Variants in CSMD1 observed in about 807,000 individuals in gnomAD.
The protein encoded by CSMD1 is CUB and Sushi multiple domains 1, also known as CUB and sushi domain-containing protein 1.
In CSMD1, 213 loss-of-function variants were observed where a neutral mutation model predicts 417.5. The ratio of observed to expected loss-of-function variants is 0.51; its 90% CI spans 0.46 to 0.57. The LOEUF (loss-of-function observed/expected upper bound fraction) is 0.57. CSMD1 is among the 20% of genes least tolerant of loss of function. The pLI is 0.00. For missense variants in CSMD1, 6,923 were observed against 4,529.7 expected, an observed-to-expected ratio of 1.53 and a Z score of -15.17; for synonymous variants, 2,862 against 1,736.8, an observed-to-expected ratio of 1.65 and a Z score of -16.11.
intron 4 of CSMD1, among the ~76,000 whole-genome samples, chr8:4,005,200 G>T (rs1220309407): frequency 6.6e-6 from 1 of 152,140 alleles, no homozygotes; most frequent in Non-Finnish European, 1.5e-5. Flanking sequence ...ATACTGCACA[G>T]GTGGTGGGTG....
chr8:3,587,434 G>C lies in CSMD1; in HGVS notation c.1098-1174C>G, dbSNP rs1015506714. 5.3e-5 allele frequency among the ~76,000 whole-genome samples: 8 copies of C among 152,296 alleles called. No homozygotes were observed. The East Asian group carries it at 1.4e-3, about 26-fold the overall frequency. On this transcript the variant is annotated intron_variant, in intron 8 of 69. Transcript: ENST00000635120. The stretch of plus-strand genomic sequence containing the variant: ...TGTTGAGGAAACAGAATTGAAATAA[G>C]GAGATGTGAAGGAAAAGAAGCACAG...
intron 12 of CSMD1, among the ~76,000 whole-genome samples, chr8:3,434,725 C>A (rs7013161): frequency 0.29 from 44,698 of 151,968 alleles, 6,903 homozygotes; most frequent in East Asian, 0.56. Context: ...TGAATAAAAT[C>A]ACTAATTTAA....
chr8:4,933,590 A>G (rs1429226079), intron 1 of CSMD1, among the ~76,000 whole-genome samples: 2 of 152,202 alleles, frequency 1.3e-5, no homozygotes, highest in South Asian at 2.1e-4. Flanking sequence ...TTTTGCAACA[A>G]GCCTCTCCGG....
At chr8:2,967,797 C>A (rs916650826) in intron 57 of CSMD1, among the ~76,000 whole-genome samples, 4 of 152,148 alleles carry the variant, frequency 2.6e-5, no homozygotes, top group Admixed American at 1.3e-4. Context: ...AAACATCCTG[C>A]AAAATTTGCT....
intron 42 of CSMD1, among the ~76,000 whole-genome samples, chr8:3,113,685 G>T (rs568795737): frequency 2.0e-4 from 30 of 152,236 alleles, no homozygotes; most frequent in African/African-American, 6.0e-4. Context: ...TGGGAAGGGG[G>T]TACTTTTGGT....
At chr8:3,820,602 G>C (rs1219231626) in intron 5 of CSMD1, among the ~76,000 whole-genome samples, 2 of 152,140 alleles carry the variant, frequency 1.3e-5, no homozygotes, top group South Asian at 2.1e-4. Flanking sequence ...TTGAGATGGA[G>C]TCTTGCTCTC....
In CSMD1 at chr8:3,372,139, G is replaced by A. The variant is rs555170301; in HGVS notation, c.2783-2769C>T. Among the ~76,000 whole-genome samples, 910 of 152,284 alleles carry A rather than the reference G, an allele frequency of 6.0e-3. 8 individuals carry two copies. Among genetic ancestry groups the A allele is most frequent in the South Asian group, 0.028 (134 of 4,822 alleles). ...AGAAAAAGGGATGGGATAGTGTGAG[G>A]CTTCTGGGTGGCCAGCGGTGCCGTA... On this transcript the variant is annotated intron_variant, in intron 18 of 69. Coordinates refer to ENST00000635120, the MANE Select transcript of CSMD1 (RefSeq NM_033225.6).
intron 3 of CSMD1, among the ~76,000 whole-genome samples, chr8:4,174,153 G>C (rs73180496): frequency 5.3e-5 from 8 of 152,018 alleles, no homozygotes; most frequent in African/African-American, 1.7e-4. Flanking sequence ...CCAAAGGCTC[G>C]TGGCTGCCCC....
chr8:3,689,072 A>T (rs1294909146), intron 7 of CSMD1, among the ~76,000 whole-genome samples: 1 of 152,216 alleles, frequency 6.6e-6, no homozygotes, highest in African/African-American at 2.4e-5. Context: ...TGACTGATAC[A>T]CTTATTCCCA....
chr8:3,622,666 T>C (rs891343338), intron 7 of CSMD1, among the ~76,000 whole-genome samples: 3 of 152,244 alleles, frequency 2.0e-5, no homozygotes, highest in African/African-American at 7.2e-5. Flanking sequence ...GATTAGAGAT[T>C]AAATGTAAAA....
At chr8:4,675,240 T>C (rs553346866) in intron 1 of CSMD1, among the ~76,000 whole-genome samples, 3 of 152,346 alleles carry the variant, frequency 2.0e-5, no homozygotes, top group Admixed American at 6.5e-5. Flanking sequence ...CACCATGCAG[T>C]ATTTAAAACA....
At chr8:3,501,769 G>A (rs1346361920) in intron 10 of CSMD1, among the ~76,000 whole-genome samples, 1 of 152,090 alleles carries the variant, frequency 6.6e-6, no homozygotes, top group African/African-American at 2.4e-5. Context: ...CATTTTAAAA[G>A]AAAATGCACA....
intron 2 of CSMD1, among the ~76,000 whole-genome samples, chr8:4,534,548 TAG>T (rs1039622791): frequency 2.0e-5 from 3 of 152,138 alleles, no homozygotes; most frequent in African/African-American, 7.2e-5. Context: ...GTGGTAAGCA[TAG>T]TACCCAATAG....
In CSMD1 at chr8:3,727,218, G is replaced by C. The variant is rs150841983; in HGVS notation, c.932-18727C>G. Among the ~76,000 whole-genome samples, 529 of 152,266 alleles carry C rather than the reference G, an allele frequency of 3.5e-3. 3 individuals carry two copies. The highest frequency in any genetic ancestry group is 0.012 in the African/African-American group (514 of 41,544). Reference sequence around the variant, plus strand: ...ATTTTAAATTGTGTTTATTTTCAAAGTTGCGTTTGACAATTATCACAAGAG... The same window carrying C: ...ATTTTAAATTGTGTTTATTTTCAAACTTGCGTTTGACAATTATCACAAGAG... On this transcript the variant is annotated intron_variant, in intron 6 of 69. Transcript: ENST00000635120.
intron 3 of CSMD1, among the ~76,000 whole-genome samples, chr8:4,153,395 T>C (rs1796670751): frequency 1.3e-5 from 2 of 152,208 alleles, no homozygotes; most frequent in Non-Finnish European, 2.9e-5. Context: ...TCTGCAGTTC[T>C]AGGTTCCCTA....
At chr8:3,361,445 G>A (rs185537168) in intron 20 of CSMD1, among the ~76,000 whole-genome samples, 72 of 151,572 alleles carry the variant, frequency 4.8e-4, no homozygotes, top group South Asian at 2.7e-3. Flanking sequence ...TGACTAACAC[G>A]GTGAAACCCT....
At chr8:4,644,313 A>T (rs572735808) in intron 1 of CSMD1, among the ~76,000 whole-genome samples, 1 of 152,252 alleles carries the variant, frequency 6.6e-6, no homozygotes, top group South Asian at 2.1e-4. Context: ...AGATTTTTTC[A>T]TTGAGGCCTC....
chr8:4,452,058 T>G (rs866047669), intron 2 of CSMD1, among the ~76,000 whole-genome samples: 1 of 151,902 alleles, frequency 6.6e-6, no homozygotes, highest in Non-Finnish European at 1.5e-5. Context: ...AGAGGAAGAT[T>G]AGGGGCCAGA....
chr8:4,704,151 A>C (rs77578624), intron 1 of CSMD1, among the ~76,000 whole-genome samples: 1 of 152,200 alleles, frequency 6.6e-6, no homozygotes, highest in East Asian at 1.9e-4. Context: ...GATCTAGCTA[A>C]ATACTCAAGC....
Sources: allele counts gnomAD v4.1 joint callset (sites outside exome capture counted in the v4.1 genomes callset), GRCh38; gene constraint gnomAD v4.1.1; transcripts MANE v1.5; gene names NCBI Gene and HGNC (gene_info 2026-07-23, HGNC 2026-07-21).